Variants in CCSER1 observed in about 807,000 individuals in gnomAD.
CCSER1 encodes coiled-coil serine rich protein 1, also known as serine-rich coiled-coil domain-containing protein 1.
CCSER1 carries 41 observed loss-of-function variants against 82.0 expected under a neutral mutation model. That is an observed-to-expected ratio of 0.50 (90% CI 0.39 to 0.65). The LOEUF (loss-of-function observed/expected upper bound fraction) is 0.65. Among genes scored for constraint, CCSER1 ranks in the 30% least tolerant of loss-of-function variants. The probability of loss-of-function intolerance (pLI) is 0.00; values close to 1 mark genes in which losing one functional copy is unlikely to be tolerated. For missense variants in CCSER1, 1,119 were observed against 1,064.2 expected (o/e 1.05, Z -0.72); for synonymous variants, 414 against 383.9 (o/e 1.08, Z -0.92).
At chr4:90,451,323 G>C (rs1168673427) in intron 4 of CCSER1, among the ~76,000 whole-genome samples, 4 of 152,104 alleles carry the variant, frequency 2.6e-5, no homozygotes, top group African/African-American at 9.7e-5. Flanking sequence ...GGAGGTACTG[G>C]ATGCCCCTTG....
intron 9 of CCSER1, among the ~76,000 whole-genome samples, chr4:90,937,746 C>T (rs1035985966): frequency 3.9e-5 from 6 of 152,118 alleles, no homozygotes; most frequent in African/African-American, 1.4e-4. Context: ...ACCTCTGCCC[C>T]ACAATATATC....
intron 8 of CCSER1, among the ~76,000 whole-genome samples, chr4:90,816,989 A>C (rs1317203485): frequency 1.3e-5 from 2 of 152,078 alleles, no homozygotes; most frequent in African/African-American, 4.8e-5. Context: ...AGACTTATAA[A>C]CTAGTACTTA....
intron 10 of CCSER1, among the ~76,000 whole-genome samples, chr4:91,135,210 G>T (rs1028128358): frequency 6.6e-6 from 1 of 152,090 alleles, no homozygotes; most frequent in Non-Finnish European, 1.5e-5. Flanking sequence ...TAATATCTGT[G>T]ATGAAGTACA....
intron 5 of CCSER1, among the ~76,000 whole-genome samples, chr4:90,560,995 C>T (rs368425294): frequency 1.1e-4 from 17 of 152,250 alleles, no homozygotes; most frequent in Admixed American, 4.6e-4. Flanking sequence ...AATCATAATA[C>T]GTTAATTGAG....
At chr4:90,439,327 A>C (rs569232019) in intron 4 of CCSER1, among the ~76,000 whole-genome samples, 22 of 152,226 alleles carry the variant, frequency 1.4e-4, no homozygotes, top group African/African-American at 3.9e-4. Flanking sequence ...AACAAACAAA[A>C]AAAACCAGCC....
intron 10 of CCSER1, among the ~76,000 whole-genome samples, chr4:91,411,609 C>T (rs1290457572): frequency 5.5e-5 from 8 of 144,890 alleles, no homozygotes; most frequent in South Asian, 4.4e-4. Context: ...ATAATTTATA[C>T]ACCTGTATGG....
At chr4:91,070,899 A>G (rs867722179) in intron 9 of CCSER1, among the ~76,000 whole-genome samples, 47 of 152,266 alleles carry the variant, frequency 3.1e-4, no homozygotes, top group Middle Eastern at 6.8e-3. Context: ...ACATGATGGC[A>G]CACTCTCTGT....
intron 10 of CCSER1, among the ~76,000 whole-genome samples, chr4:91,089,610 C>A (rs1339638679): frequency 6.6e-6 from 1 of 152,162 alleles, no homozygotes; most frequent in Non-Finnish European, 1.5e-5. Flanking sequence ...TGTGCTGAAG[C>A]ATTCTGGTGA....
In CCSER1 at chr4:90,229,227, C is replaced by T. The variant is rs556421292; in HGVS notation, c.-41-79017C>T. The stretch of plus-strand genomic sequence containing the variant: ...GTTAAGGGCAGCCAGAGAGAAAGGT[C>T]GGGTTACCCACAAAGGGAAGCCCAT... On this transcript the variant is annotated intron_variant, in intron 1 of 10. Coordinates refer to ENST00000509176, the MANE Select transcript of CCSER1 (RefSeq NM_001145065.2). Among the ~76,000 whole-genome samples, 6 of 152,194 alleles carry T rather than the reference C, an allele frequency of 3.9e-5. No homozygotes were observed. The East Asian group carries it at 7.7e-4, about 20-fold the overall frequency.
intron 1 of CCSER1, among the ~76,000 whole-genome samples, chr4:90,214,353 A>G (rs1740625286): frequency 6.6e-6 from 1 of 152,102 alleles, no homozygotes; most frequent in Non-Finnish European, 1.5e-5. Context: ...AAGGTGTTGG[A>G]GGTTTGAGAG....
intron 10 of CCSER1, among the ~76,000 whole-genome samples, chr4:91,282,062 C>T (rs548266992): frequency 1.2e-4 from 18 of 151,928 alleles, no homozygotes; most frequent in Admixed American, 6.6e-4. Context: ...ATGTTTTTGT[C>T]GCAAATATTG....
intron 6 of CCSER1, among the ~76,000 whole-genome samples, chr4:90,674,495 A>G (rs1733438037): frequency 2.0e-5 from 3 of 151,976 alleles, no homozygotes; most frequent in Non-Finnish European, 4.4e-5. Flanking sequence ...GTAGGATGAA[A>G]TGGACAGTCA....
intron 5 of CCSER1, among the ~76,000 whole-genome samples, chr4:90,559,809 C>CAAAAAAAAA (rs1236087772): frequency 4.3e-4 from 17 of 39,754 alleles, no homozygotes; most frequent in East Asian, 1.6e-3. Context: ...GACTCCGTCT[C>CAAAAAAAAA]AAAAAAAAAA....
intron 9 of CCSER1, among the ~76,000 whole-genome samples, chr4:91,075,627 A>G (rs1164766909): frequency 1.3e-5 from 2 of 152,206 alleles, no homozygotes; most frequent in African/African-American, 2.4e-5. Flanking sequence ...AGTGAATAGA[A>G]CTAAAACATA....
intron 10 of CCSER1, among the ~76,000 whole-genome samples, chr4:91,258,377 C>A: frequency 6.6e-6 from 1 of 152,028 alleles, no homozygotes; most frequent in Non-Finnish European, 1.5e-5. Context: ...TTCCTTGGTA[C>A]AGAACACCCT....
At chr4:90,159,767 A>G (rs1037194731) in intron 1 of CCSER1, among the ~76,000 whole-genome samples, 5 of 152,228 alleles carry the variant, frequency 3.3e-5, no homozygotes, top group Non-Finnish European at 5.9e-5. Context: ...TCATTTTAAT[A>G]TAGTTACCTC....
At chr4:90,247,841 G>A (rs1049770139) in intron 1 of CCSER1, among the ~76,000 whole-genome samples, 1 of 151,518 alleles carries the variant, frequency 6.6e-6, no homozygotes, top group African/African-American at 2.4e-5. Context: ...TAGACTAGCT[G>A]GTTCTTATTT....
At chr4:90,653,132 TA>T (rs919011870) in intron 6 of CCSER1, among the ~76,000 whole-genome samples, 10 of 149,338 alleles carry the variant, frequency 6.7e-5, no homozygotes, top group African/African-American at 1.5e-4. Context: ...AGTTCCTATT[TA>T]AAAAAAAAAC....
intron 10 of CCSER1, among the ~76,000 whole-genome samples, chr4:91,273,699 C>T (rs975361718): frequency 6.6e-6 from 1 of 152,034 alleles, no homozygotes. Context: ...AGATGGAGTG[C>T]TTTAAACTTT....
Sources: gnomAD v4.1 joint callset for allele counts (sites outside exome capture counted in the v4.1 genomes callset) on GRCh38, gnomAD v4.1.1 for gene constraint, MANE v1.5 for transcripts, NCBI Gene and HGNC (gene_info 2026-07-23, HGNC 2026-07-21) for gene names.